Variants in VPS13C observed in about 807,000 individuals in gnomAD.
VPS13C encodes the protein intermembrane lipid transfer protein VPS13C.
In VPS13C, 358 loss-of-function variants were observed where a neutral mutation model predicts 456.8. The observed-to-expected ratio is 0.78, with a 90% CI of 0.72 to 0.86. The LOEUF (loss-of-function observed/expected upper bound fraction) is 0.86, where lower values mean the gene tolerates loss of function less well. Ranked by LOEUF, VPS13C falls within the 40% of genes least tolerant of loss-of-function variation. The pLI, the probability that VPS13C is intolerant of heterozygous loss-of-function variation, is 0.00. For synonymous variants in VPS13C, 1,578 were observed against 1,486.7 expected (o/e 1.06, Z -1.41); for missense variants, 4,818 against 4,385.4 (o/e 1.10, Z -2.79).
intron 18 of VPS13C, 121 bp from the exon 19 acceptor site, chr15:61,985,120 C>T (rs2046004373): frequency 1.3e-6 from 1 of 741,312 alleles, no homozygotes; most frequent in Admixed American, 3.8e-5. Context: ...ATGGCAGGTT[C>T]TGGCATCCAC....
At chr15:62,034,919 G>A (rs755284256) in intron 4 of VPS13C, 38 bp downstream of exon 4, 5 of 1,305,234 alleles carry the variant, frequency 3.8e-6, no homozygotes. Flanking sequence ...TAATTTCAAT[G>A]TGATGTTATT....
At chr15:61,910,760 G>C (rs1215511332) in intron 63 of VPS13C, among the ~76,000 whole-genome samples, 2 of 152,098 alleles carry the variant, frequency 1.3e-5, no homozygotes, top group Non-Finnish European at 2.9e-5. Flanking sequence ...TGGAAGTTCT[G>C]ACACCATCCT....
intron 81 of VPS13C, chr15:61,865,792 ATGTGTG>A: frequency 2.6e-6 from 2 of 769,992 alleles, no homozygotes; most frequent in Non-Finnish European, 3.2e-6. Context: ...GTGTATATAT[ATGTGTG>A]TGTGTATATA....
Position 61,936,695 on chromosome 15 carries a change from A to G in VPS13C, c.5657T>C (p.Leu1886Pro), listed in dbSNP as rs763782012. ...GCTTGGTTGTGAGGAAGCTTCTCCA[A>G]GATTTTCTAGCAAAATTTTCATTAA... ...TVLMKILLEN[L>P]GEASSQPSPT... The change falls in exon 48 of 85, where the codon CTT becomes CCT. Residue 1886 changes from leucine (L) to proline (P), a missense_variant. This residue lies in a region of VPS13C where 4,552 missense variants were observed against 4,130.6 expected (regional missense o/e 1.10). Transcript: ENST00000644861. The G allele has an allele frequency of 5.0e-6, 8 of 1,613,486 alleles. No individual in the cohort carries two copies. Among genetic ancestry groups the G allele is most frequent in the Non-Finnish European group, 6.8e-6 (8 of 1,179,802 alleles).
At chr15:61,963,978 C>A in intron 31 of VPS13C, 27 bp from the exon 32 acceptor site, 1 of 1,428,558 alleles carries the variant, frequency 7.0e-7, no homozygotes. Flanking sequence ...GCATCTGTCA[C>A]ATGGTGAGAT....
intron 9 of VPS13C, among the ~76,000 whole-genome samples, chr15:62,018,859 A>G (rs1381518300): frequency 6.6e-6 from 1 of 152,180 alleles, no homozygotes; most frequent in East Asian, 1.9e-4. Context: ...TTCAGAAGGA[A>G]TGGTACCAGC....
At chr15:61,934,394 G>T (rs1743036790) in intron 48 of VPS13C, 63 bp from the exon 49 acceptor site, 2 of 864,708 alleles carry the variant, frequency 2.3e-6, no homozygotes, top group Non-Finnish European at 1.7e-6. Context: ...TTTTAAATAT[G>T]AGATAATTTC....
At chr15:62,023,661 C>T in intron 7 of VPS13C, 119 bp downstream of exon 7, 2 of 1,185,708 alleles carry the variant, frequency 1.7e-6, no homozygotes, top group South Asian at 3.0e-5. Context: ...TATGCATTTC[C>T]AACTTAAAAC....
At chr15:62,000,304 G>A (rs576621233) in intron 16 of VPS13C, among the ~76,000 whole-genome samples, 3 of 152,264 alleles carry the variant, frequency 2.0e-5, no homozygotes, top group Non-Finnish European at 2.9e-5. Context: ...GGCAGAGGCT[G>A]CAGCGAGCCA....
intron 20 of VPS13C, 101 bp from the exon 21 acceptor site, chr15:61,982,674 CTG>C: frequency 1.4e-6 from 1 of 721,372 alleles, no homozygotes; most frequent in Non-Finnish European, 2.3e-6. Context: ...TAGCTTTGAA[CTG>C]TGGAACTCCT....
chr15:61,926,507 T>A (rs183930077), intron 52 of VPS13C, among the ~76,000 whole-genome samples: 154 of 152,356 alleles, frequency 1.0e-3, no homozygotes, highest in Non-Finnish European at 1.8e-3. Flanking sequence ...ACTTCATACT[T>A]TCTTTATGCA....
intron 16 of VPS13C, among the ~76,000 whole-genome samples, chr15:61,994,382 C>G (rs1298164052): frequency 6.6e-6 from 1 of 152,144 alleles, no homozygotes; most frequent in African/African-American, 2.4e-5. Context: ...TAGGAACAAT[C>G]CCCAGCAGTA....
At chr15:61,991,871 A>T in intron 16 of VPS13C, 69 bp from the exon 17 acceptor site, 1 of 1,475,128 alleles carries the variant, frequency 6.8e-7, no homozygotes, top group Non-Finnish European at 9.1e-7. Context: ...GTAGCCTGGG[A>T]AAAAAAAACA....
intron 16 of VPS13C, among the ~76,000 whole-genome samples, chr15:61,997,665 T>C (rs2046434759): frequency 6.6e-6 from 1 of 152,154 alleles, no homozygotes; most frequent in Admixed American, 6.6e-5. Context: ...CATTTTTTAC[T>C]CTCTCTCCTA....
Position 62,007,436 on chromosome 15 carries a change from T to C in VPS13C, c.1162A>G (p.Arg388Gly), listed in dbSNP as rs749691218. The C allele has an allele frequency of 7.5e-6, 12 of 1,600,788 alleles. No individual in the cohort carries two copies. In the Middle Eastern group the frequency reaches 6.6e-4, roughly 88 times the overall value. The change falls in exon 15 of 85, where the codon AGG becomes GGG. Residue 388 changes from arginine (R) to glycine (G), a missense_variant. Physicochemically the swap from Arg to Gly is moderately radical, Grantham distance 125. Coordinates refer to ENST00000644861, the MANE Select transcript of VPS13C (RefSeq NM_020821.3). ...IDSVLEVHIRRYTQMWSWSNI... is the reference protein window; with the variant it reads ...IDSVLEVHIRGYTQMWSWSNI... ...CTCCATGACCACATCTGTGTATACC[T>C]TCTTATATGAACTTCAAGAACAGAA... is the stretch of plus-strand genomic sequence containing the variant.
chr15:61,881,068 A>G, intron 71 of VPS13C, 114 bp from the exon 72 acceptor site: 1 of 800,766 alleles, frequency 1.2e-6, no homozygotes, highest in South Asian at 2.2e-5. Flanking sequence ...TTCATCTCCT[A>G]AAAATTATGT....
chr15:62,011,202 T>C (rs2047026891), intron 12 of VPS13C, among the ~76,000 whole-genome samples: 1 of 152,098 alleles, frequency 6.6e-6, no homozygotes, highest in Non-Finnish European at 1.5e-5. Flanking sequence ...ATTTTAACTG[T>C]GAATAGTATC....
At chr15:61,931,053 C>A (rs941777517) in intron 50 of VPS13C, 37 bp downstream of exon 50, 25 of 1,611,352 alleles carry the variant, frequency 1.6e-5, no homozygotes, top group Non-Finnish European at 2.1e-5. Flanking sequence ...GCAATGTCAA[C>A]CTTAAATAAT....
rs2046337926 is a variant in VPS13C at position 61,995,031 on chromosome 15, T to C, written c.1354-3229A>G. ...TCCACCACTTACTGCTCCATTTATC[T>C]GCTCTGCTTACAGCAAAGAATCATA... On this transcript the variant is annotated intron_variant, in intron 16 of 84. Transcript: ENST00000644861. 4.6e-5 allele frequency among the ~76,000 whole-genome samples: 7 copies of C among 152,236 alleles called. No individual in the cohort carries two copies. In the South Asian group the frequency reaches 1.4e-3, roughly 31 times the overall value.
Sources: gnomAD v4.1 joint callset for allele counts (sites outside exome capture counted in the v4.1 genomes callset) on GRCh38, gnomAD v4.1.1 for gene constraint, gnomAD v4.1.1 regional missense constraint, MANE v1.5 for transcripts, NCBI Gene and HGNC (gene_info 2026-07-23, HGNC 2026-07-21) for gene names.